The following MYB variants were observed in gnomAD, a reference collection of about 807,000 sequenced individuals.
MYB encodes the protein transcriptional activator Myb.
MYB carries 28 observed loss-of-function variants against 92.9 expected under a neutral mutation model. That is an observed-to-expected ratio of 0.30 (90% CI 0.22 to 0.41). MYB has a LOEUF of 0.41. Ranked by LOEUF, MYB falls within the 10% of genes least tolerant of loss-of-function variation. The pLI is 1.00. For missense variants in MYB, 679 were observed against 929.3 expected (o/e 0.73, Z 3.50); for synonymous variants, 295 against 329.1 (o/e 0.90, Z 1.12).
intron 15 of MYB, among the ~76,000 whole-genome samples, chr6:135,206,851 A>G (rs980577607): frequency 3.3e-5 from 5 of 152,244 alleles, no homozygotes; most frequent in Admixed American, 6.5e-5. Context: ...CCTTCATTTT[A>G]TGTCATGGAG....
Position 135,201,765 on chromosome 6 carries a change from C to T in MYB, c.2061+16C>T, listed in dbSNP as rs768358978. ...AGATGCACCGGTAAGTACGTGTGCACCAGCCCCCAAGTTGTTATGTGACAC... is the reference window on the plus strand; with the variant it reads ...AGATGCACCGGTAAGTACGTGTGCATCAGCCCCCAAGTTGTTATGTGACAC... On this transcript the variant is annotated intron_variant, in intron 14 of 15. Transcript: ENST00000341911. 3 of 1,389,042 alleles carry T rather than the reference C, an allele frequency of 2.2e-6. No individual in the cohort carries two copies. The highest frequency in any genetic ancestry group is 2.6e-5 in the East Asian group (1 of 38,654). The allele number at this position is 1,389,042 out of a possible 1,614,324, so 86.0% of individuals were successfully genotyped here. A position where few individuals can be genotyped will look rare whatever the true frequency, so the allele number is the denominator to read the frequency against.
At chr6:135,203,542 A>G (rs1055978826) in intron 15 of MYB, 10 of 679,758 alleles carry the variant, frequency 1.5e-5, no homozygotes, top group Non-Finnish European at 2.4e-5. Context: ...AGAAATTTTT[A>G]TCAGTGCAGA....
At chr6:135,204,324 G>C (rs1035034564) in intron 15 of MYB, among the ~76,000 whole-genome samples, 4 of 152,114 alleles carry the variant, frequency 2.6e-5, no homozygotes, top group African/African-American at 9.7e-5. Flanking sequence ...TTTGAAACAG[G>C]GTCTTACCCG....
intron 1 of MYB, among the ~76,000 whole-genome samples, chr6:135,185,021 G>A (rs529815219): frequency 7.9e-5 from 12 of 152,262 alleles, no homozygotes; most frequent in Middle Eastern, 3.4e-3. Flanking sequence ...AAAAGAAAAA[G>A]CTTTCGAAAA....
chr6:135,203,382 T>TTGGTGGTGGTGGTGGTGGTGGTGATGG (rs1562387256), intron 15 of MYB, 58 bp downstream of exon 15: 2 of 1,114,704 alleles, frequency 1.8e-6, no homozygotes, highest in Non-Finnish European at 2.7e-6. Context: ...ACTGTCATCT[T>TTGGTGGTGGTGGTGGTGGTGGTGATGG]TGGTGGTGGT....
In MYB at chr6:135,196,999, C is replaced by T; in HGVS notation, c.1242C>T (p.Phe414=). The change falls in exon 10 of 16, where the codon TTC becomes TTT. Residue 414 remains phenylalanine (F), a synonymous_variant. Transcript: ENST00000341911. ...GGTGTGATCTCAGCAGTTTTGAATTCTTTGAAGAAGCAGATTTTTCACCTA... is the reference window on the plus strand; with the variant it reads ...GGTGTGATCTCAGCAGTTTTGAATTTTTTGAAGAAGCAGATTTTTCACCTA... The part of the protein sequence containing the change: ...SSWCDLSSFE[F]FEEADFSPSQ... 5.0e-6 allele frequency: 8 copies of T among 1,613,890 alleles called. No homozygotes were observed. The highest frequency in any genetic ancestry group is 6.8e-6 in the Non-Finnish European group (8 of 1,179,840).
chr6:135,206,205 C>CAAAAAAAAAAAAAAAAAAAAAAA (rs67836018), intron 15 of MYB, among the ~76,000 whole-genome samples: 2 of 87,366 alleles, frequency 2.3e-5, no homozygotes, highest in South Asian at 4.3e-4. Flanking sequence ...GACTCCATCT[C>CAAAAAAAAAAAAAAAAAAAAAAA]AAAAAAAAAA....
At position 135,200,323 on chromosome 6, in the gene MYB, C is replaced by T; in HGVS notation, c.1858C>T (p.Gln620Ter). The change falls in exon 13 of 16, where the codon CAG becomes TAG. Residue 620 changes from glutamine (Q) to a stop codon, truncating the protein, a stop_gained. Coordinates refer to ENST00000341911, the MANE Select transcript of MYB (RefSeq NM_001130173.2). LOFTEE classifies it high-confidence loss of function. ...ACCCTCTCATCTAGTAGAAGATCTG[C>T]AGGATGTGATCAAACAGGAATCTGA... ...QTPSHLVEDL[Q>*]DVIKQESDES... 1 of 1,614,112 alleles carries T rather than the reference C, an allele frequency of 6.2e-7. No homozygotes were observed. Among genetic ancestry groups the T allele is most frequent in the Non-Finnish European group, 8.5e-7 (1 of 1,180,012 alleles).
chr6:135,215,658 C>G (rs1203362838), intron 15 of MYB, among the ~76,000 whole-genome samples: 1 of 152,138 alleles, frequency 6.6e-6, no homozygotes, highest in Non-Finnish European at 1.5e-5. Context: ...AGCCCTCCCC[C>G]ACTCCACATC....
At chr6:135,185,881 C>T in intron 1 of MYB, 22 bp from the exon 2 acceptor site, 1 of 1,579,096 alleles carries the variant, frequency 6.3e-7, no homozygotes, top group South Asian at 1.1e-5. Flanking sequence ...CAGCCCACGT[C>T]TACCCATTCT....
At chr6:135,197,647 C>T (rs183082071) in intron 10 of MYB, among the ~76,000 whole-genome samples, 3 of 152,168 alleles carry the variant, frequency 2.0e-5, no homozygotes, top group South Asian at 2.1e-4. Context: ...TGATCCCTCC[C>T]TTTAAAATTG....
At chr6:135,214,804 A>G (rs142906925) in intron 15 of MYB, among the ~76,000 whole-genome samples, 4 of 152,374 alleles carry the variant, frequency 2.6e-5, no homozygotes, top group African/African-American at 9.6e-5. Flanking sequence ...ATGGACAGAT[A>G]GACACCAGAG....
intron 5 of MYB, among the ~76,000 whole-genome samples, chr6:135,191,488 T>G (rs1052675721): frequency 6.6e-6 from 1 of 152,194 alleles, no homozygotes; most frequent in Non-Finnish European, 1.5e-5. Flanking sequence ...CAGTATAAAC[T>G]TAGAAATTTT....
chr6:135,203,711 C>T, intron 15 of MYB: 1 of 1,398,792 alleles, frequency 7.1e-7, no homozygotes, highest in Non-Finnish European at 9.4e-7. Context: ...ATGCTGTATC[C>T]CTAGGCAACC....
At chr6:135,212,457 G>A (rs1307577871) in intron 15 of MYB, among the ~76,000 whole-genome samples, 3 of 151,850 alleles carry the variant, frequency 2.0e-5, no homozygotes, top group African/African-American at 7.3e-5. Context: ...ACCACCTGTG[G>A]ACATGGTCTT....
At position 135,182,912 on chromosome 6, in the gene MYB, A is replaced by C. The variant is rs6913228; in HGVS notation, c.23+1376A>C. Among the ~76,000 whole-genome samples the C allele has an allele frequency of 0.47, 71,011 of 150,680 alleles. 18,538 individuals are homozygous for C. The highest frequency in any genetic ancestry group is 0.71 in the African/African-American group (29,379 of 41,196). On this transcript the variant is annotated intron_variant, in intron 1 of 15. Transcript: ENST00000341911. This position sits in a 1 kb window ranked among gnomAD's most constrained non-coding sequence, Gnocchi z 5.6. ...GGGGAGCTCCGGGCTCCCTATGCCT[A>C]CTCCGGAGCCTGGCCGCGCAGGACG... is the stretch of plus-strand genomic sequence containing the variant.
At chr6:135,202,950 GT>G in intron 14 of MYB, 1 of 673,616 alleles carries the variant, frequency 1.5e-6, no homozygotes, top group Non-Finnish European at 2.7e-6. Flanking sequence ...TTTAGCAGAT[GT>G]TTTTTGAGTG....
chr6:135,215,871 G>A lies in MYB; in HGVS notation c.2170-1993G>A, dbSNP rs759296132. 9.9e-4 allele frequency among the ~76,000 whole-genome samples: 150 copies of A among 152,246 alleles called. 6 individuals are homozygous for A. Among genetic ancestry groups the A allele is most frequent in the Non-Finnish European group, 2.4e-4 (16 of 68,018 alleles). ...CACCACAAACCTGCGCACACGGCCT[G>A]TTATTATTCCTCCTGTTTCACCTGT... On this transcript the variant is annotated intron_variant, in intron 15 of 15. Coordinates refer to ENST00000341911, the MANE Select transcript of MYB (RefSeq NM_001130173.2).
chr6:135,200,305 C>T lies in MYB; in HGVS notation c.1840C>T (p.His614Tyr). The stretch of plus-strand genomic sequence containing the variant: ...TTCCGTTTAGCCTCAGACACCCTCT[C>T]ATCTAGTAGAAGATCTGCAGGATGT... ...PLKMLPQTPS[H>Y]LVEDLQDVIK... is the part of the protein sequence containing the mutation. Residue 614 changes from histidine (H) to tyrosine (Y), a missense_variant, in exon 13 of 16, where the codon CAT (histidine) becomes TAT (tyrosine). Physicochemically the swap from His to Tyr is moderately conservative, Grantham distance 83. Coordinates refer to ENST00000341911, the MANE Select transcript of MYB (RefSeq NM_001130173.2). 6.2e-7 allele frequency: 1 copy of T among 1,614,140 alleles called. No individual in the cohort carries two copies. Among genetic ancestry groups the T allele is most frequent in the Non-Finnish European group, 8.5e-7 (1 of 1,180,018 alleles).
Sources: allele counts gnomAD v4.1 joint callset (sites outside exome capture counted in the v4.1 genomes callset), GRCh38; gene constraint gnomAD v4.1.1; non-coding constraint Gnocchi (gnomAD v3.1); transcripts MANE v1.5; gene names NCBI Gene and HGNC (gene_info 2026-07-23, HGNC 2026-07-21).